The following NIN variants were observed in gnomAD, a reference collection of about 807,000 sequenced individuals.
NIN encodes the protein ninein, also known as glycogen synthase kinase 3 beta-interacting protein.
A neutral mutation model predicts 257.6 loss-of-function variants in NIN; 137 were observed. The observed-to-expected ratio is 0.53, with a 90% CI of 0.46 to 0.61. NIN has a LOEUF of 0.61. Among genes scored for constraint, NIN ranks in the 20% least tolerant of loss-of-function variants. NIN has a pLI of 0.00. For synonymous variants in NIN, 918 were observed against 919.8 expected (o/e 1.00, Z 0.04); for missense variants, 2,439 against 2,501.2 (o/e 0.98, Z 0.53).
chr14:50,814,155 G>T (rs760166501), intron 3 of NIN, among the ~76,000 whole-genome samples: 12 of 152,020 alleles, frequency 7.9e-5, no homozygotes, highest in Non-Finnish European at 1.3e-4. Context: ...AGAGGCAAAG[G>T]CTATTTTAAA....
rs1045726119 is a variant in NIN, at chr14:50,727,226, G to T, written c.6079-1160C>A. On this transcript the variant is annotated intron_variant, in intron 29 of 30. Coordinates refer to ENST00000530997, the MANE Select transcript of NIN (RefSeq NM_020921.4). ...GAGTGGAAAAACAGGAAAAACAAAG[G>T]CAGTCATATACTTAAAATTTATTTT... The T allele has an allele frequency of 8.6e-6, 8 of 933,628 alleles. No homozygotes were observed. The African/African-American group carries it at 1.4e-4, about 17-fold the overall frequency. 57.8% of individuals were successfully genotyped at this position (933,628 alleles called of 1,614,324 possible).
rs1308167628 is a variant in NIN, at chr14:50,757,356, A to G, written c.3674T>C (p.Leu1225Pro). The G allele has an allele frequency of 1.2e-6, 2 of 1,613,822 alleles. No individual in the cohort carries two copies. Among genetic ancestry groups the G allele is most frequent in the Admixed American group, 3.3e-5 (2 of 59,930 alleles). The change falls in exon 18 of 31, where the codon CTT (leucine) becomes CCT (proline). Residue 1225 changes from leucine to proline, a missense_variant. By Grantham distance (98) the Leu-to-Pro change is moderately conservative. Around this residue, in one of 3 missense-constraint regions of NIN, gnomAD observed 2,043 missense variants for 2,050.2 expected, o/e 1.00. Coordinates refer to ENST00000530997, the MANE Select transcript of NIN (RefSeq NM_020921.4). ...DRASEKKQDL[L>P]FDVSVLKKKL... ...CTTTTTTAGCACAGAAACATCAAAAAGTAGGTCCTGTTTCTTTTCAGAAGC... is the reference window on the plus strand; with the variant it reads ...CTTTTTTAGCACAGAAACATCAAAAGGTAGGTCCTGTTTCTTTTCAGAAGC...
At chr14:50,756,409 T>C in intron 18 of NIN, 83 bp downstream of exon 18, 1 of 1,451,586 alleles carries the variant, frequency 6.9e-7, no homozygotes, top group Non-Finnish European at 9.2e-7. Flanking sequence ...TAGGTTAGTT[T>C]CTCTAGGCAC....
In NIN at chr14:50,752,749, AT is replaced by A; in HGVS notation, c.4735-17del. 1 of 1,496,194 alleles carries A rather than the reference AT, an allele frequency of 6.7e-7. No homozygotes were observed. The highest frequency in any genetic ancestry group is 9.1e-7 in the Non-Finnish European group (1 of 1,097,224). The allele number at this position is 1,496,194 out of a possible 1,614,324, so 92.7% of individuals were successfully genotyped here. On this transcript the variant is annotated splice_polypyrimidine_tract_variant and intron_variant, in intron 20 of 30. Transcript: ENST00000530997. ...ATTCTGAAATCTAATTAAAATTAAA[AT>A]AAGTTTTTCAAACTTGTTACCCTAC...
chr14:50,727,852 G>T, intron 29 of NIN: 1 of 1,016,218 alleles, frequency 9.8e-7, no homozygotes, highest in Non-Finnish European at 1.4e-6. Context: ...ATTTTTAAAA[G>T]CACACACATT....
At chr14:50,737,819 G>GT (rs1490793825) in intron 27 of NIN, among the ~76,000 whole-genome samples, 8 of 151,880 alleles carry the variant, frequency 5.3e-5, no homozygotes, top group African/African-American at 1.4e-4. Flanking sequence ...TAATTTTTGT[G>GT]TTTTTTTAGT....
At chr14:50,792,432 T>A (rs1207433829) in intron 5 of NIN, 1 of 382,222 alleles carries the variant, frequency 2.6e-6, no homozygotes, top group East Asian at 4.4e-5. Context: ...GAACTAGAAG[T>A]GGGAGACCTC....
chr14:50,783,720 T>G (rs980502477), intron 5 of NIN, among the ~76,000 whole-genome samples: 1 of 152,062 alleles, frequency 6.6e-6, no homozygotes, highest in African/African-American at 2.4e-5. Context: ...CTGGAGCCAG[T>G]AGTTCCAATT....
At chr14:50,791,838 C>CACACACACAG (rs2043610428) in intron 5 of NIN, among the ~76,000 whole-genome samples, 1 of 152,154 alleles carries the variant, frequency 6.6e-6, no homozygotes, top group Non-Finnish European at 1.5e-5. Flanking sequence ...CACACACACA[C>CACACACACAG]AGAGTCCACT....
At chr14:50,831,389 G>C (rs1298771801), upstream of NIN, among the ~76,000 whole-genome samples, 1 of 152,112 alleles carries the variant, frequency 6.6e-6, no homozygotes, top group Non-Finnish European at 1.5e-5. Context: ...CACCGAGCTG[G>C]GGCTGGCGCT....
chr14:50,805,668 CT>C (rs2044293951), intron 4 of NIN, among the ~76,000 whole-genome samples: 1 of 152,196 alleles, frequency 6.6e-6, no homozygotes, highest in African/African-American at 2.4e-5. Context: ...GTGACAAAAT[CT>C]TAATGATTTA....
intron 18 of NIN, among the ~76,000 whole-genome samples, chr14:50,756,118 CAT>C (rs1366995890): frequency 6.6e-5 from 10 of 150,474 alleles, no homozygotes; most frequent in East Asian, 2.0e-4. Context: ...TTGTATATAA[CAT>C]GTTTCCTCAA....
In NIN at chr14:50,721,021, A is replaced by G. The variant is rs1385165447; in HGVS notation, c.*2442T>C. 1.0e-5 allele frequency: 2 copies of G among 192,018 alleles called. No individual in the cohort carries two copies. Among genetic ancestry groups the G allele is most frequent in the Non-Finnish European group, 2.2e-5 (2 of 91,978 alleles). The allele number at this position is 192,018 out of a possible 1,614,324, so 11.9% of individuals were successfully genotyped here. On this transcript the variant is annotated 3_prime_UTR_variant, in exon 31 of 31. Coordinates refer to ENST00000530997, the MANE Select transcript of NIN (RefSeq NM_020921.4). ...AAGATCTAAACATTTTTAAGTTTAC[A>G]TTTAATGTCTTTAAAAGGTCTTTTA...
At chr14:50,772,185 G>C in intron 9 of NIN, 116 bp downstream of exon 9, 1 of 964,352 alleles carries the variant, frequency 1.0e-6, no homozygotes, top group Non-Finnish European at 1.5e-6. Context: ...TTGAGACTTT[G>C]TGAACAGAAG....
intron 25 of NIN, among the ~76,000 whole-genome samples, chr14:50,741,093 A>C (rs1207823315): frequency 6.6e-6 from 1 of 152,224 alleles, no homozygotes; most frequent in Non-Finnish European, 1.5e-5. Flanking sequence ...TTTTAGCAGA[A>C]GCTGTACTTT....
chr14:50,778,915 G>A, intron 5 of NIN, 111 bp from the exon 6 acceptor site: 2 of 1,136,542 alleles, frequency 1.8e-6, no homozygotes, highest in African/African-American at 1.5e-5. Context: ...ATCTAAGTGA[G>A]TCACATAATT....
At chr14:50,774,655 G>A (rs1212530735) in intron 7 of NIN, among the ~76,000 whole-genome samples, 1 of 152,208 alleles carries the variant, frequency 6.6e-6, no homozygotes, top group Non-Finnish European at 1.5e-5. Flanking sequence ...TCAAGTCCAG[G>A]TGTGTTGACT....
At chr14:50,772,577 A>G (rs2042778854) in intron 8 of NIN, 109 bp from the exon 9 acceptor site, 2 of 958,112 alleles carry the variant, frequency 2.1e-6, no homozygotes, top group South Asian at 1.6e-5. Context: ...TCTAATATAC[A>G]GTGCCAGGAA....
In NIN at chr14:50,756,781, G is replaced by C. The variant is rs1433374641; in HGVS notation, c.4249C>G (p.Gln1417Glu). The change falls in exon 18 of 31, where the codon CAG (glutamine) becomes GAG (glutamate). Residue 1417 changes from glutamine (Q) to glutamate (E), a missense_variant. Around this residue, in one of 3 missense-constraint regions of NIN, gnomAD observed 2,043 missense variants for 2,050.2 expected, o/e 1.00. Coordinates refer to ENST00000530997, the MANE Select transcript of NIN (RefSeq NM_020921.4). ...HEIAWLHGTI[Q>E]THQERPRVQN... Reference sequence around the variant, plus strand: ...ACTCTTGGCCTTTCTTGATGTGTCTGAATTGTTCCATGTAACCAGGCAATT... The same window carrying C: ...ACTCTTGGCCTTTCTTGATGTGTCTCAATTGTTCCATGTAACCAGGCAATT... The C allele has an allele frequency of 3.2e-6, 5 of 1,551,454 alleles. No individual in the cohort carries two copies. In the Admixed American group the frequency reaches 7.8e-5, roughly 24 times the overall value.
Sources: gnomAD v4.1 joint callset for allele counts (sites outside exome capture counted in the v4.1 genomes callset) on GRCh38, gnomAD v4.1.1 for gene constraint, gnomAD v4.1.1 regional missense constraint, MANE v1.5 for transcripts, NCBI Gene and HGNC (gene_info 2026-07-23, HGNC 2026-07-21) for gene names.